NFASC: variants seen among roughly 807,000 people sequenced by gnomAD.
NFASC encodes neurofascin homolog.
NFASC carries 43 observed loss-of-function variants against 147.5 expected under a neutral mutation model. The observed-to-expected ratio is 0.29, with a 90% confidence interval of 0.23 to 0.38. NFASC has a LOEUF of 0.38. Among genes scored for constraint, NFASC ranks in the 10% least tolerant of loss-of-function variants. NFASC has a pLI of 1.00. For synonymous variants in NFASC, 622 were observed against 665.5 expected (o/e 0.93, Z 1.01); for missense variants, 1,320 against 1,689.0 (o/e 0.78, Z 3.83).
Position 204,975,480 on chromosome 1 carries a change from T to C in NFASC, c.1706+62T>C. On this transcript the variant is annotated intron_variant, in intron 15 of 29. Coordinates refer to ENST00000339876, the MANE Select transcript of NFASC (RefSeq NM_001005388.3). This position sits in a 1 kb window ranked among gnomAD's most constrained non-coding sequence, Gnocchi z 4.0. ...TGAGGCGCATTTTCTTTTCCCTTGC[T>C]GTTGGTGACACATGGAAGAACACAG... 6.4e-7 allele frequency: 1 copy of C among 1,565,276 alleles called. No homozygotes were observed. The highest frequency in any genetic ancestry group is 1.2e-5 in the South Asian group (1 of 85,058).
At chr1:204,880,069 G>C (rs887308487) in intron 1 of NFASC, among the ~76,000 whole-genome samples, 24 of 152,142 alleles carry the variant, frequency 1.6e-4, no homozygotes, top group African/African-American at 5.8e-4. Context: ...CATTGACTCA[G>C]CTAGTTATCT....
In NFASC at chr1:204,974,221, G is replaced by T; in HGVS notation, c.1322G>T (p.Arg441Leu). The change falls in exon 13 of 30, where the codon CGA (arginine) becomes CTA (leucine). Residue 441 changes from arginine to leucine, a missense_variant. By Grantham distance (102) the Arg-to-Leu change is moderately radical. Transcript: ENST00000339876. ...CTGTCGCCCCGGAACCAGCTCATTC[G>T]AGTGATTCTTTACAACCGGACGCGG... Reference protein sequence around the residue: ...RMLSPRNQLIRVILYNRTRLD... With the variant: ...RMLSPRNQLILVILYNRTRLD... The T allele has an allele frequency of 6.2e-7, 1 of 1,614,122 alleles. No homozygotes were observed. Among genetic ancestry groups the T allele is most frequent in the Non-Finnish European group, 8.5e-7 (1 of 1,180,010 alleles).
chr1:204,953,865 A>G (rs577464250), intron 5 of NFASC, among the ~76,000 whole-genome samples: 2 of 152,198 alleles, frequency 1.3e-5, no homozygotes, highest in Non-Finnish European at 2.9e-5. Flanking sequence ...TCTCCTCAAT[A>G]ACGTGTTTAA....
At chr1:204,921,680 C>T (rs2090517322) in intron 2 of NFASC, among the ~76,000 whole-genome samples, 1 of 152,132 alleles carries the variant, frequency 6.6e-6, no homozygotes, top group Admixed American at 6.5e-5. Flanking sequence ...CCCCTCTAGG[C>T]CTCAGTTTCC....
At chr1:204,924,875 C>T (rs556273936) in intron 2 of NFASC, among the ~76,000 whole-genome samples, 1 of 152,160 alleles carries the variant, frequency 6.6e-6, no homozygotes, top group Non-Finnish European at 1.5e-5. Flanking sequence ...ATTTTGTTTG[C>T]TTTGTTTTGT....
At chr1:204,872,810 C>T in intron 1 of NFASC, among the ~76,000 whole-genome samples, 1 of 152,216 alleles carries the variant, frequency 6.6e-6, no homozygotes, top group Non-Finnish European at 1.5e-5. Flanking sequence ...AATGGCTCTT[C>T]ACTGAGAGCC....
At chr1:204,863,883 AAAGG>A (rs1157197745) in intron 1 of NFASC, among the ~76,000 whole-genome samples, 11 of 151,358 alleles carry the variant, frequency 7.3e-5, no homozygotes, top group Admixed American at 4.6e-4. Flanking sequence ...AAAAGAAAGA[AAAGG>A]AAGGAAGGAA....
At position 204,832,373 on chromosome 1, in the gene NFASC, G is replaced by A. The variant is rs989496494; in HGVS notation, c.-200+3591G>A. ...GTGTAGGCAAGATGCACAGGGATGT[G>A]CTGAGAGGCAAGGCGAGGAAAAATA... On this transcript the variant is annotated intron_variant, in intron 1 of 29. Transcript: ENST00000339876. 8.5e-5 allele frequency among the ~76,000 whole-genome samples: 13 copies of A among 152,272 alleles called. No individual in the cohort carries two copies. The South Asian group carries it at 1.0e-3, about 12-fold the overall frequency.
chr1:204,832,689 G>A (rs187055384), intron 1 of NFASC, among the ~76,000 whole-genome samples: 2 of 152,300 alleles, frequency 1.3e-5, no homozygotes, highest in East Asian at 1.9e-4. Context: ...CTTTGAATCT[G>A]TCAGGAGCTG....
Position 204,855,365 on chromosome 1 carries a change from T to G in NFASC, c.-200+26583T>G, listed in dbSNP as rs150514219. Among the ~76,000 whole-genome samples, 14 of 151,850 alleles carry G rather than the reference T, an allele frequency of 9.2e-5. No individual in the cohort carries two copies. The East Asian group carries it at 2.7e-3, about 29-fold the overall frequency. On this transcript the variant is annotated intron_variant, in intron 1 of 29. Transcript: ENST00000339876. Reference sequence around the variant, plus strand: ...GGAGAAAGGCCACTGTTGACTGGAGTCATTGGGGAAGGCTTTGTGGAAAAG... The same window carrying G: ...GGAGAAAGGCCACTGTTGACTGGAGGCATTGGGGAAGGCTTTGTGGAAAAG...
Position 204,870,479 on chromosome 1 carries a change from G to A in NFASC, c.-200+41697G>A, listed in dbSNP as rs868052451. On this transcript the variant is annotated intron_variant, in intron 1 of 29. Coordinates refer to ENST00000339876, the MANE Select transcript of NFASC (RefSeq NM_001005388.3). Reference sequence around the variant, plus strand: ...ATGGGGGAGGGCCAGGACCACCCCCGCCACACTGTGCTCCCCTACAAAACA... The same window carrying A: ...ATGGGGGAGGGCCAGGACCACCCCCACCACACTGTGCTCCCCTACAAAACA... 15 of 172,094 alleles carry A rather than the reference G, an allele frequency of 8.7e-5. 1 individual carries two copies. Among genetic ancestry groups the A allele is most frequent in the South Asian group, 1.7e-4 (1 of 5,932 alleles). The allele number at this position is 172,094 out of a possible 1,614,324, so 10.7% of individuals were successfully genotyped here.
Position 204,989,857 on chromosome 1 carries a change from G to A in NFASC, c.2767+1051G>A, listed in dbSNP as rs61817615. ...CTCCAGAGAAGAGGTGATGTGAGTG[G>A]GCACTCTGGAAGCTGACAAGTCATC... On this transcript the variant is annotated intron_variant, in intron 23 of 29. Transcript: ENST00000339876. 7.3e-3 allele frequency: 1,113 copies of A among 152,394 alleles called. 5 individuals carry two copies. Among genetic ancestry groups the A allele is most frequent in the Non-Finnish European group, 8.9e-3 (605 of 68,048 alleles). The allele number at this position is 152,394 out of a possible 1,614,324, so 9.4% of individuals were successfully genotyped here. A position where few individuals can be genotyped will look rare whatever the true frequency, so the allele number is the denominator to read the frequency against.
chr1:204,858,993 T>A (rs913736712), intron 1 of NFASC, among the ~76,000 whole-genome samples: 3 of 151,832 alleles, frequency 2.0e-5, no homozygotes, highest in Admixed American at 2.0e-4. Context: ...TTTTTTTTTT[T>A]TTGAGACAGA....
intron 2 of NFASC, among the ~76,000 whole-genome samples, chr1:204,932,202 C>G (rs1297122966): frequency 6.6e-6 from 1 of 152,146 alleles, no homozygotes; most frequent in African/African-American, 2.4e-5. Flanking sequence ...TTGAGTTTGT[C>G]AGGAAGGAAT....
chr1:204,982,040 T>G lies in NFASC; in HGVS notation c.2470+20T>G. On this transcript the variant is annotated intron_variant, in intron 21 of 29. Coordinates refer to ENST00000339876, the MANE Select transcript of NFASC (RefSeq NM_001005388.3). ...AAGATTGTGAGTAGTCTCCTCCCCG[T>G]CCCCCCATCAGGACCCTTGTGGCTA... is the stretch of plus-strand genomic sequence containing the variant. The G allele has an allele frequency of 6.8e-7, 1 of 1,475,996 alleles. No homozygotes were observed. Among genetic ancestry groups the G allele is most frequent in the Non-Finnish European group, 9.1e-7 (1 of 1,098,580 alleles). 91.4% of individuals were successfully genotyped at this position (1,475,996 alleles called of 1,614,324 possible).
intron 2 of NFASC, among the ~76,000 whole-genome samples, chr1:204,930,981 T>C (rs933241872): frequency 6.6e-6 from 1 of 152,122 alleles, no homozygotes; most frequent in African/African-American, 2.4e-5. Flanking sequence ...GATTCCTGGA[T>C]GACTTTTTCT....
intron 1 of NFASC, among the ~76,000 whole-genome samples, chr1:204,911,046 A>G (rs1048442122): frequency 6.6e-6 from 1 of 152,186 alleles, no homozygotes; most frequent in Non-Finnish European, 1.5e-5. Flanking sequence ...GTCTTTCCCC[A>G]TCAAGTATAA....
chr1:204,970,549 CTGCT>C, intron 10 of NFASC, 63 bp from the exon 11 acceptor site: 2 of 1,590,300 alleles, frequency 1.3e-6, no homozygotes, highest in Non-Finnish European at 1.7e-6. Flanking sequence ...TAGAGGGAGA[CTGCT>C]TGGTTTCTTC....
intron 1 of NFASC, among the ~76,000 whole-genome samples, chr1:204,848,523 G>A (rs2075377423): frequency 1.3e-5 from 2 of 152,194 alleles, no homozygotes; most frequent in South Asian, 4.1e-4. Flanking sequence ...ACCACACCCG[G>A]TGCGAATTTT....
Sources: allele counts gnomAD v4.1 joint callset (sites outside exome capture counted in the v4.1 genomes callset), GRCh38; gene constraint gnomAD v4.1.1; non-coding constraint Gnocchi (gnomAD v3.1); transcripts MANE v1.5; gene names NCBI Gene and HGNC (gene_info 2026-07-23, HGNC 2026-07-21).